Variants in SPATA6L observed in about 807,000 individuals in gnomAD.
SPATA6L encodes spermatogenesis associated 6 like.
In SPATA6L, 68 loss-of-function variants were observed where a neutral mutation model predicts 49.2. The ratio of observed to expected loss-of-function variants is 1.38; its 90% confidence interval spans 1.14 to 1.69. The LOEUF is 1.69. Ranked by LOEUF, SPATA6L falls within the 40% of genes most tolerant of loss-of-function variation. The pLI, the probability that SPATA6L is intolerant of heterozygous loss-of-function variation, is 0.00. For synonymous variants in SPATA6L, 198 were observed against 165.7 expected (o/e 1.19, Z -1.50); for missense variants, 668 against 464.3 (o/e 1.44, Z -4.03).
intron 11 of SPATA6L, among the ~76,000 whole-genome samples, chr9:4,601,098 A>G (rs1823130464): frequency 6.6e-6 from 1 of 152,220 alleles, no homozygotes. Flanking sequence ...GCTACATAGT[A>G]AATGTGCCAA....
At position 4,605,181 on chromosome 9, in the gene SPATA6L, GC is replaced by G. The variant is rs1206315637; in HGVS notation, c.1089+165del. ...TGACTCCCAGCCATGTCAAATACCCGCTACCATTCAATCTCAGGACAACAGG... is the reference window on the plus strand; with the variant it reads ...TGACTCCCAGCCATGTCAAATACCCGTACCATTCAATCTCAGGACAACAGG... On this transcript the variant is annotated intron_variant, in intron 10 of 11. Transcript: ENST00000682582. Among the ~76,000 whole-genome samples the G allele has an allele frequency of 8.5e-5, 13 of 152,192 alleles. No individual in the cohort carries two copies. The South Asian group carries it at 2.7e-3, about 32-fold the overall frequency.
At chr9:4,603,493 C>A (rs933263346) in intron 11 of SPATA6L, among the ~76,000 whole-genome samples, 14 of 152,272 alleles carry the variant, frequency 9.2e-5, no homozygotes, top group African/African-American at 3.4e-4. Flanking sequence ...TCAGGTGATA[C>A]AGAGACAGCA....
chr9:4,640,734 A>T (rs1244899004), intron 3 of SPATA6L, among the ~76,000 whole-genome samples: 1 of 152,166 alleles, frequency 6.6e-6, no homozygotes, highest in Non-Finnish European at 1.5e-5. Context: ...AATGGATCAA[A>T]CTGTACTACA....
intron 3 of SPATA6L, among the ~76,000 whole-genome samples, chr9:4,646,982 C>A (rs1397408507): frequency 6.6e-6 from 1 of 151,912 alleles, no homozygotes; most frequent in Non-Finnish European, 1.5e-5. Context: ...AGACTTAATA[C>A]CTGGGTGACA....
intron 4 of SPATA6L, among the ~76,000 whole-genome samples, chr9:4,634,181 A>G (rs1324677979): frequency 6.6e-6 from 1 of 152,238 alleles, no homozygotes; most frequent in Non-Finnish European, 1.5e-5. Flanking sequence ...TAGACAAACC[A>G]AAGTTAATAT....
rs150820765 is a variant in SPATA6L at position 4,605,429 on chromosome 9, C to G, written c.1007G>C (p.Gly336Ala). The G allele has an allele frequency of 1.1e-4, 171 of 1,613,752 alleles. 1 individual carries two copies. In the African/African-American group the frequency reaches 1.9e-3, roughly 18 times the overall value. ...QPLLRERFHP[G>A]SQSTWKNIHE... ...GATATTCTTCCATGTGGACTGAGAA[C>G]CAGGATGGAACCTGCTCAACAGATG... The change falls in exon 10 of 12, where the codon GGT (glycine) becomes GCT (alanine). Residue 336 changes from glycine (G) to alanine (A), a missense_variant. Gly to Ala is a moderately conservative substitution (Grantham distance 60). Transcript: ENST00000682582.
chr9:4,609,833 T>C (rs908891640), intron 9 of SPATA6L, among the ~76,000 whole-genome samples: 16 of 150,548 alleles, frequency 1.1e-4, no homozygotes, highest in African/African-American at 1.7e-4. Context: ...GGGTATTCAA[T>C]TGGGAAAAGA....
chr9:4,603,451 C>G (rs1053277702), intron 11 of SPATA6L, among the ~76,000 whole-genome samples: 4 of 152,056 alleles, frequency 2.6e-5, no homozygotes, highest in African/African-American at 9.7e-5. Context: ...CAAAAAAAAC[C>G]CTCTTTACTG....
intron 10 of SPATA6L, among the ~76,000 whole-genome samples, chr9:4,604,962 T>A (rs1824363840): frequency 6.6e-6 from 1 of 152,168 alleles, no homozygotes; most frequent in Non-Finnish European, 1.5e-5. Context: ...CTTACATAGC[T>A]CACACAAACA....
rs758250974 is a variant in SPATA6L, at chr9:4,606,721, C to CT, written c.996-1282dup. ...AAACAGAACAGAAAAACTGGAAACT[C>CT]TAAAAAGCAGAGCGCCTCTCCTCCT... On this transcript the variant is annotated intron_variant, in intron 9 of 11. Coordinates refer to ENST00000682582, the MANE Select transcript of SPATA6L (RefSeq NM_001353486.2). Among the ~76,000 whole-genome samples, 34 of 141,742 alleles carry CT rather than the reference C, an allele frequency of 2.4e-4. No individual in the cohort carries two copies. In the East Asian group the frequency reaches 6.4e-3, roughly 27 times the overall value. 93.0% of individuals were successfully genotyped at this position (141,742 alleles called of 152,430 possible). A position where few individuals can be genotyped will look rare whatever the true frequency, so the allele number is the denominator to read the frequency against.
intron 13 of SPATA6L, among the ~76,000 whole-genome samples, chr9:4,593,262 T>C (rs1822023845): frequency 1.3e-5 from 2 of 152,226 alleles, no homozygotes; most frequent in African/African-American, 4.8e-5. Flanking sequence ...TTTTATTTGA[T>C]ACAACCAAAT....
chr9:4,635,329 A>T lies in SPATA6L; in HGVS notation c.297T>A (p.Pro99=). Residue 99 remains proline (P), a synonymous_variant, in exon 4 of 12, where the codon CCT becomes CCA. Coordinates refer to ENST00000682582, the MANE Select transcript of SPATA6L (RefSeq NM_001353486.2). ...DFLFPEPKLT[P]SHPRRCREVL... ...CCTCCCTACACCTCCTAGGGTGCGA[A>T]GGTGTCAGCTTGGGCTCTGGGAAAA... 1 of 1,590,314 alleles carries T rather than the reference A, an allele frequency of 6.3e-7. No homozygotes were observed. The highest frequency in any genetic ancestry group is 8.5e-7 in the Non-Finnish European group (1 of 1,171,726).
chr9:4,610,325 G>C (rs2130236514), intron 9 of SPATA6L, among the ~76,000 whole-genome samples: 1 of 149,352 alleles, frequency 6.7e-6, no homozygotes, highest in African/African-American at 2.5e-5. Flanking sequence ...CCAAAAAACA[G>C]CCCGCATCGC....
rs186086665 is a variant in SPATA6L, at chr9:4,611,871, G to A, written c.995+6052C>T. 7.4e-4 allele frequency among the ~76,000 whole-genome samples: 113 copies of A among 152,088 alleles called. 1 individual carries two copies. The highest frequency in any genetic ancestry group is 2.5e-3 in the African/African-American group (104 of 41,502). On this transcript the variant is annotated intron_variant, in intron 9 of 11. Transcript: ENST00000682582. ...TTAATCCCAGTAGTTGTTGTTTCACGGAGAGATTATCACCCAGGCTAACGT... is the reference window on the plus strand; with the variant it reads ...TTAATCCCAGTAGTTGTTGTTTCACAGAGAGATTATCACCCAGGCTAACGT...
chr9:4,606,284 G>C (rs1432410340), intron 9 of SPATA6L, among the ~76,000 whole-genome samples: 3 of 144,194 alleles, frequency 2.1e-5, no homozygotes, highest in African/African-American at 5.2e-5. Flanking sequence ...CTCCAACTGG[G>C]TGGAGCCCAC....
intron 3 of SPATA6L, among the ~76,000 whole-genome samples, chr9:4,636,901 G>A (rs1219342447): frequency 1.3e-5 from 2 of 152,092 alleles, no homozygotes; most frequent in Non-Finnish European, 2.9e-5. Flanking sequence ...CTTCCACCAT[G>A]CATGCTCTCC....
chr9:4,655,548 T>A (rs1375784300), intron 3 of SPATA6L, among the ~76,000 whole-genome samples: 1 of 149,602 alleles, frequency 6.7e-6, no homozygotes, highest in Non-Finnish European at 1.5e-5. Context: ...TTTTTTGTTT[T>A]TTTGTTGTTT....
intron 5 of SPATA6L, chr9:4,628,782 C>A: frequency 4.3e-6 from 1 of 231,322 alleles, no homozygotes; most frequent in Non-Finnish European, 8.3e-6. Context: ...CATAAGATCA[C>A]AAGTAAATGT....
At chr9:4,628,934 A>T (rs1242506552) in intron 5 of SPATA6L, 157 bp downstream of exon 5, 2 of 610,688 alleles carry the variant, frequency 3.3e-6, no homozygotes, top group Non-Finnish European at 5.7e-6. Flanking sequence ...CTGAGCAAAC[A>T]GTTTGAATTA....
Sources: allele counts gnomAD v4.1 joint callset (sites outside exome capture counted in the v4.1 genomes callset), GRCh38; gene constraint gnomAD v4.1.1; transcripts MANE v1.5; gene names NCBI Gene and HGNC (gene_info 2026-07-23, HGNC 2026-07-21).